Variants in ANXA2 observed in about 807,000 individuals in gnomAD.
ANXA2 encodes the protein annexin A2, also known as annexin II.
A neutral mutation model predicts 47.3 loss-of-function variants in ANXA2; 28 were observed. The ratio of observed to expected loss-of-function variants is 0.59; its 90% CI spans 0.44 to 0.81. The LOEUF (loss-of-function observed/expected upper bound fraction) is 0.81, where lower values mean the gene tolerates loss of function less well. Ranked by LOEUF, ANXA2 falls within the 40% of genes least tolerant of loss-of-function variation. ANXA2 has a pLI of 0.00. For missense variants in ANXA2, 384 were observed against 414.3 expected, an observed-to-expected ratio of 0.93 and a Z score of 0.64; for synonymous variants, 172 against 155.5, an observed-to-expected ratio of 1.11 and a Z score of -0.79.
chr15:60,349,050 G>A, intron 12 of ANXA2, 25 bp downstream of exon 12: 2 of 1,613,642 alleles, frequency 1.2e-6, no homozygotes, highest in Non-Finnish European at 1.7e-6. Flanking sequence ...CGGCAGGGCA[G>A]GCTGACACTG....
chr15:60,391,021 A>G (rs1217385221), intron 1 of ANXA2: 1 of 152,512 alleles, frequency 6.6e-6, no homozygotes, highest in South Asian at 2.1e-4. Context: ...ACGAACCCAT[A>G]CCAAGCATAC....
Position 60,351,829 on chromosome 15 carries a change from A to G in ANXA2, c.683-10T>C. 6.3e-7 allele frequency: 1 copy of G among 1,579,368 alleles called. No individual in the cohort carries two copies. Among genetic ancestry groups the G allele is most frequent in the South Asian group, 1.1e-5 (1 of 90,182 alleles). On this transcript the variant is annotated splice_polypyrimidine_tract_variant and intron_variant, in intron 9 of 12. Coordinates refer to ENST00000451270, the MANE Select transcript of ANXA2 (RefSeq NM_004039.3). ...TTGTACCTATCAAATACTGAGGAAA[A>G]ACAACAAAGAGTTATCAGATCCGAG...
At chr15:60,380,506 A>AG (rs1313092196) in intron 3 of ANXA2, among the ~76,000 whole-genome samples, 1 of 151,796 alleles carries the variant, frequency 6.6e-6, no homozygotes, top group Non-Finnish European at 1.5e-5. Flanking sequence ...AAAAAAAAAA[A>AG]AAAGAAAAAA....
At chr15:60,371,294 G>A (rs1239768839) in intron 3 of ANXA2, among the ~76,000 whole-genome samples, 1 of 152,236 alleles carries the variant, frequency 6.6e-6, no homozygotes, top group Non-Finnish European at 1.5e-5. Flanking sequence ...ATGCCACGGG[G>A]AGGTGTTGCT....
chr15:60,390,061 C>T (rs887855514), intron 1 of ANXA2, among the ~76,000 whole-genome samples: 2 of 152,136 alleles, frequency 1.3e-5, no homozygotes, highest in African/African-American at 4.8e-5. Flanking sequence ...AGTCCCCCTA[C>T]AGATTTCAGA....
chr15:60,393,761 A>T lies in ANXA2; in HGVS notation c.-12+4182T>A, dbSNP rs181901060. The T allele has an allele frequency of 2.5e-3, 2,178 of 886,224 alleles. 5 individuals carry two copies. Among genetic ancestry groups the T allele is most frequent in the Non-Finnish European group, 2.6e-3 (1,945 of 739,822 alleles). The allele number at this position is 886,224 out of a possible 1,614,324, so 54.9% of individuals were successfully genotyped here. On this transcript the variant is annotated intron_variant, in intron 1 of 12. Transcript: ENST00000451270. ...TGTGCAACATTAGAGTTACATGTGT[A>T]AAGTCTGTCTTCCGTATTATCCGCC...
chr15:60,397,763 G>C, intron 1 of ANXA2, 180 bp downstream of exon 1: 2 of 861,546 alleles, frequency 2.3e-6, no homozygotes, highest in Admixed American at 5.3e-5. Flanking sequence ...CAAACACCTT[G>C]TCCCTGAGCC....
In ANXA2 at chr15:60,352,244, AG is replaced by A; in HGVS notation, c.682+138del. 1 of 585,918 alleles carries A rather than the reference AG, an allele frequency of 1.7e-6. No homozygotes were observed. 36.3% of individuals were successfully genotyped at this position (585,918 alleles called of 1,614,324 possible). On this transcript the variant is annotated intron_variant, in intron 9 of 12. Coordinates refer to ENST00000451270, the MANE Select transcript of ANXA2 (RefSeq NM_004039.3). The surrounding 1 kb of genome is among the most constrained non-coding windows in gnomAD (Gnocchi z 4.2). ...GAATCCAGAATGGGAGAGAAAGGTG[AG>A]GGAAAATGGGTGAGCCTATGAGAGT...
At chr15:60,377,818 G>A (rs758521127) in intron 3 of ANXA2, among the ~76,000 whole-genome samples, 6 of 152,004 alleles carry the variant, frequency 3.9e-5, no homozygotes, top group Non-Finnish European at 7.4e-5. Flanking sequence ...CCAGGCCTAT[G>A]ATTTCACACC....
chr15:60,354,997 T>C (rs558248685), intron 7 of ANXA2, among the ~76,000 whole-genome samples: 182 of 151,908 alleles, frequency 1.2e-3, no homozygotes, highest in African/African-American at 3.5e-3. Context: ...ACTTCAAGGG[T>C]CAGTCAGATG....
chr15:60,389,664 T>C (rs1193791075), intron 1 of ANXA2, among the ~76,000 whole-genome samples: 1 of 152,230 alleles, frequency 6.6e-6, no homozygotes, highest in African/African-American at 2.4e-5. Context: ...TCTCCCCATT[T>C]AATCTTGTCA....
intron 3 of ANXA2, among the ~76,000 whole-genome samples, chr15:60,375,751 C>T (rs2062767506): frequency 6.6e-6 from 1 of 152,212 alleles, no homozygotes; most frequent in Non-Finnish European, 1.5e-5. Flanking sequence ...TCCCTTCAAA[C>T]TAGAAACAAA....
chr15:60,369,798 T>G (rs78438651), intron 3 of ANXA2, among the ~76,000 whole-genome samples: 3,136 of 152,328 alleles, frequency 0.021, 116 homozygotes, highest in African/African-American at 0.072. Context: ...TCTACCTATC[T>G]AAAAGACTTC....
chr15:60,347,593 T>G lies in ANXA2; in HGVS notation c.*37A>C. ...CTAGACCTGTTAGCTGGAAGCATGG[T>G]GAGCACCATTTCTGGACGCTCAGGC... is the stretch of plus-strand genomic sequence containing the variant. On this transcript the variant is annotated 3_prime_UTR_variant, in exon 13 of 13. Coordinates refer to ENST00000451270, the MANE Select transcript of ANXA2 (RefSeq NM_004039.3). 6.2e-7 allele frequency: 1 copy of G among 1,608,792 alleles called. No individual in the cohort carries two copies. The highest frequency in any genetic ancestry group is 8.5e-7 in the Non-Finnish European group (1 of 1,175,260).
rs2062370151 is a variant in ANXA2 at position 60,352,863 on chromosome 15, A to G, written c.589-387T>C. 6.6e-6 allele frequency among the ~76,000 whole-genome samples: 1 copy of G among 152,212 alleles called. No homozygotes were observed. Among genetic ancestry groups the G allele is most frequent in the African/African-American group, 2.4e-5 (1 of 41,458 alleles). ...GCTAGCAGATGTTTACTGGACAGCT[A>G]CAGACCAGGCTCTCATTCTCAAGCT... is the stretch of plus-strand genomic sequence containing the variant. On this transcript the variant is annotated intron_variant, in intron 8 of 12. Transcript: ENST00000451270. This position sits in a 1 kb window ranked among gnomAD's most constrained non-coding sequence, Gnocchi z 4.2.
At chr15:60,373,178 G>A (rs534680524) in intron 3 of ANXA2, among the ~76,000 whole-genome samples, 10 of 152,326 alleles carry the variant, frequency 6.6e-5, no homozygotes, top group Admixed American at 1.3e-4. Flanking sequence ...GTGTCAACAC[G>A]TGTAGAGAAC....
At chr15:60,380,648 C>T (rs2062844517) in intron 3 of ANXA2, among the ~76,000 whole-genome samples, 1 of 151,224 alleles carries the variant, frequency 6.6e-6, no homozygotes, top group African/African-American at 2.4e-5. Flanking sequence ...CTACTAAAAA[C>T]AGAAAATTAG....
At chr15:60,364,624 C>T in intron 3 of ANXA2, 101 bp from the exon 4 acceptor site, 1 of 828,620 alleles carries the variant, frequency 1.2e-6, no homozygotes, top group Non-Finnish European at 1.9e-6. Context: ...AATTTATATA[C>T]TGTTTTCCAA....
At chr15:60,359,984 C>T (rs976347410) in intron 5 of ANXA2, among the ~76,000 whole-genome samples, 2 of 152,178 alleles carry the variant, frequency 1.3e-5, no homozygotes, top group African/African-American at 2.4e-5. Context: ...TGGCCAGGCG[C>T]GGTGGCTCAC....
Sources: gnomAD v4.1 joint callset for allele counts (sites outside exome capture counted in the v4.1 genomes callset) on GRCh38, gnomAD v4.1.1 for gene constraint, Gnocchi (gnomAD v3.1) non-coding constraint, MANE v1.5 for transcripts, NCBI Gene and HGNC (gene_info 2026-07-23, HGNC 2026-07-21) for gene names.